AK5: variants seen among roughly 807,000 people sequenced by gnomAD.
AK5 encodes the protein adenylate kinase 5.
In AK5, 27 loss-of-function variants were observed where a neutral mutation model predicts 69.5. The observed-to-expected ratio is 0.39, with a 90% CI of 0.29 to 0.54. The LOEUF (loss-of-function observed/expected upper bound fraction) is 0.54. Ranked by LOEUF, AK5 falls within the 20% of genes least tolerant of loss-of-function variation. The pLI is 0.71. For synonymous variants in AK5, 260 were observed against 244.4 expected (o/e 1.06, Z -0.60); for missense variants, 531 against 700.4 (o/e 0.76, Z 2.73).
chr1:77,358,313 C>T (rs1662657267), intron 6 of AK5, among the ~76,000 whole-genome samples: 1 of 152,048 alleles, frequency 6.6e-6, no homozygotes, highest in Non-Finnish European at 1.5e-5. Flanking sequence ...TTATTTACCC[C>T]CAAAAGCCTC....
chr1:77,363,236 T>C (rs561776256), intron 6 of AK5, among the ~76,000 whole-genome samples: 7 of 152,290 alleles, frequency 4.6e-5, no homozygotes, highest in South Asian at 2.1e-4. Context: ...TATCCTTCTA[T>C]AGGAGTCTGA....
chr1:77,325,161 G>GTTTTTTTTTTTT (rs369801549), intron 5 of AK5, among the ~76,000 whole-genome samples: 1 of 123,252 alleles, frequency 8.1e-6, no homozygotes, highest in Non-Finnish European at 1.8e-5. Context: ...TAGGTTTTTT[G>GTTTTTTTTTTTT]TTTTTTTTTT....
intron 1 of AK5, among the ~76,000 whole-genome samples, chr1:77,284,051 C>CTTAT (rs1294911437): frequency 2.0e-5 from 3 of 152,052 alleles, no homozygotes; most frequent in Non-Finnish European, 4.4e-5. Flanking sequence ...TTTTATGTTT[C>CTTAT]TTATTTACTT....
intron 8 of AK5, among the ~76,000 whole-genome samples, chr1:77,480,119 AGTGT>A (rs10618389): frequency 0.15 from 22,700 of 149,770 alleles, 2,058 homozygotes; most frequent in Non-Finnish European, 0.19. Context: ...ATTCACCCCG[AGTGT>A]GTGTGTGTGT....
chr1:77,391,459 A>G (rs1485821411), intron 6 of AK5, among the ~76,000 whole-genome samples: 3 of 125,986 alleles, frequency 2.4e-5, no homozygotes, highest in African/African-American at 9.4e-5. Context: ...GTGTGTATAT[A>G]TATATACACA....
intron 10 of AK5, among the ~76,000 whole-genome samples, chr1:77,494,258 C>G (rs891544414): frequency 6.6e-6 from 1 of 152,194 alleles, no homozygotes; most frequent in Non-Finnish European, 1.5e-5. Context: ...TCACTAAAGG[C>G]TAAGTGTATT....
chr1:77,451,538 A>C (rs1653154211), intron 8 of AK5, among the ~76,000 whole-genome samples: 1 of 152,216 alleles, frequency 6.6e-6, no homozygotes, highest in African/African-American at 2.4e-5. Context: ...AAATCTCTGA[A>C]TATTACTCTA....
intron 7 of AK5, among the ~76,000 whole-genome samples, 161 bp downstream of exon 7, chr1:77,411,232 A>G (rs1650027913): frequency 6.6e-6 from 1 of 152,218 alleles, no homozygotes; most frequent in Non-Finnish European, 1.5e-5. Flanking sequence ...AACAAAGTAG[A>G]GAGGAAAGGC....
intron 5 of AK5, among the ~76,000 whole-genome samples, chr1:77,321,145 C>T (rs1420555433): frequency 1.3e-5 from 2 of 152,102 alleles, no homozygotes; most frequent in Non-Finnish European, 2.9e-5. Context: ...GTGTATGGTA[C>T]ATTCACCAAG....
At chr1:77,318,260 AAGAG>A (rs2100314988) in intron 5 of AK5, among the ~76,000 whole-genome samples, 1 of 152,210 alleles carries the variant, frequency 6.6e-6, no homozygotes, top group African/African-American at 2.4e-5. Flanking sequence ...AGGAGGAAGA[AAGAG>A]AGGCGGGGAG....
intron 6 of AK5, among the ~76,000 whole-genome samples, chr1:77,405,510 A>G (rs953292274): frequency 5.3e-5 from 8 of 152,112 alleles, no homozygotes; most frequent in Non-Finnish European, 1.0e-4. Context: ...TGAGGGCTGG[A>G]CCTCATCATT....
chr1:77,503,146 G>A (rs1258394875), intron 10 of AK5, among the ~76,000 whole-genome samples: 1 of 152,058 alleles, frequency 6.6e-6, no homozygotes. Flanking sequence ...TCACCTATCA[G>A]GTTTTTCACC....
chr1:77,441,955 G>C (rs1436689366), intron 8 of AK5, among the ~76,000 whole-genome samples: 1 of 152,196 alleles, frequency 6.6e-6, no homozygotes, highest in Non-Finnish European at 1.5e-5. Flanking sequence ...TTGGGTCCAG[G>C]AGGTTGGGTT....
chr1:77,385,366 G>A (rs1243384670), intron 6 of AK5, among the ~76,000 whole-genome samples: 1 of 151,988 alleles, frequency 6.6e-6, no homozygotes, highest in Non-Finnish European at 1.5e-5. Context: ...TCACCGTGCT[G>A]GCCAGGATGG....
chr1:77,439,143 A>G (rs1652149242), intron 8 of AK5, among the ~76,000 whole-genome samples: 1 of 152,184 alleles, frequency 6.6e-6, no homozygotes, highest in Non-Finnish European at 1.5e-5. Flanking sequence ...AATAAGAGAG[A>G]GAGAGACTCT....
intron 6 of AK5, among the ~76,000 whole-genome samples, chr1:77,401,903 C>G (rs1649240259): frequency 6.6e-6 from 1 of 152,170 alleles, no homozygotes; most frequent in Non-Finnish European, 1.5e-5. Flanking sequence ...GTGAGCATTT[C>G]ATTTTGAAAT....
At chr1:77,326,201 A>G (rs889986343) in intron 5 of AK5, among the ~76,000 whole-genome samples, 4 of 152,198 alleles carry the variant, frequency 2.6e-5, no homozygotes, top group Non-Finnish European at 4.4e-5. Context: ...AGATCTGGTT[A>G]AGACCTAATG....
intron 6 of AK5, among the ~76,000 whole-genome samples, chr1:77,410,274 G>T (rs1649950930): frequency 6.6e-6 from 1 of 151,418 alleles, no homozygotes; most frequent in Non-Finnish European, 1.5e-5. Flanking sequence ...TGGAGGTTTT[G>T]TTGTTGTTGT....
intron 10 of AK5, among the ~76,000 whole-genome samples, chr1:77,494,527 T>C (rs1222278726): frequency 6.6e-6 from 1 of 152,134 alleles, no homozygotes; most frequent in Non-Finnish European, 1.5e-5. Flanking sequence ...CTGGATTTCT[T>C]TTAAAATAAC....
Sources: gnomAD v4.1 joint callset for allele counts (sites outside exome capture counted in the v4.1 genomes callset) on GRCh38, gnomAD v4.1.1 for gene constraint, MANE v1.5 for transcripts, NCBI Gene and HGNC (gene_info 2026-07-23, HGNC 2026-07-21) for gene names.